The following CEP128 variants were observed in gnomAD, a reference collection of about 807,000 sequenced individuals.
CEP128 encodes the protein centrosomal protein 128kDa.
CEP128 carries 132 observed loss-of-function variants against 156.7 expected under a neutral mutation model. The observed-to-expected ratio is 0.84, with a 90% CI of 0.73 to 0.97. CEP128 has a LOEUF of 0.97. Ranked by LOEUF, CEP128 falls within the 50% of genes least tolerant of loss-of-function variation. CEP128 has a pLI of 0.00. For missense variants in CEP128, 1,252 were observed against 1,281.9 expected (o/e 0.98, Z 0.36); for synonymous variants, 469 against 448.9 (o/e 1.04, Z -0.57).
Position 80,778,143 on chromosome 14 carries a change from A to G in CEP128, c.2212-97T>C, listed in dbSNP as rs1900902770. 6.1e-6 allele frequency: 6 copies of G among 982,246 alleles called. No homozygotes were observed. In the East Asian group the frequency reaches 1.4e-4, roughly 24 times the overall value. The allele number at this position is 982,246 out of a possible 1,614,324, so 60.8% of individuals were successfully genotyped here. On this transcript the variant is annotated intron_variant, in intron 15 of 24. Transcript: ENST00000555265. ...TTTATCAGTGGAAAAACACTGCAAG[A>G]TTTCAGCTCGTTCAAAGCATTCATA... is the stretch of plus-strand genomic sequence containing the variant.
intron 19 of CEP128, among the ~76,000 whole-genome samples, chr14:80,741,536 G>C (rs1283676164): frequency 6.6e-6 from 1 of 152,040 alleles, no homozygotes; most frequent in African/African-American, 2.4e-5. Flanking sequence ...TGACAACATG[G>C]ATCTATGAAT....
chr14:80,887,516 C>A (rs796807410), intron 8 of CEP128, among the ~76,000 whole-genome samples: 10 of 152,102 alleles, frequency 6.6e-5, no homozygotes, highest in African/African-American at 2.4e-4. Flanking sequence ...AACAATCTAC[C>A]CCTGAATGAC....
chr14:80,842,164 CTTTA>C lies in CEP128; in HGVS notation c.763-1400_763-1397del, dbSNP rs573106988. 4.6e-5 allele frequency among the ~76,000 whole-genome samples: 7 copies of C among 152,104 alleles called. 1 individual carries two copies. Among genetic ancestry groups the C allele is most frequent in the Non-Finnish European group, 8.8e-5 (6 of 67,886 alleles). On this transcript the variant is annotated intron_variant, in intron 9 of 24. Coordinates refer to ENST00000555265, the MANE Select transcript of CEP128 (RefSeq NM_152446.5). ...TTATAGCTCTACTTGCTGCCTAAAA[CTTTA>C]TTTAAGTCTCCTTTTTTCAATTTCT...
At chr14:80,771,648 A>C (rs327473) in intron 16 of CEP128, among the ~76,000 whole-genome samples, 52,263 of 152,070 alleles carry the variant, frequency 0.34, 9,412 homozygotes, top group South Asian at 0.5. Context: ...ATAGCCTTAG[A>C]TGTCTCATAA....
intron 21 of CEP128, among the ~76,000 whole-genome samples, chr14:80,540,198 C>A (rs1566767176): frequency 3.0e-5 from 1 of 33,656 alleles, no homozygotes; most frequent in Non-Finnish European, 5.6e-5. Flanking sequence ...TGTTCTTACA[C>A]CCCCCCCCCT....
At chr14:80,503,650 T>C (rs982011274) in intron 24 of CEP128, among the ~76,000 whole-genome samples, 7 of 152,314 alleles carry the variant, frequency 4.6e-5, no homozygotes, top group Admixed American at 2.0e-4. Context: ...ACCTCCATGC[T>C]TGTTTATATT....
rs1896716657 is a variant in CEP128 at position 80,691,439 on chromosome 14, G to C, written c.2806+51636C>G. 3.3e-5 allele frequency among the ~76,000 whole-genome samples: 5 copies of C among 152,142 alleles called. No homozygotes were observed. In the South Asian group the frequency reaches 1.0e-3, roughly 32 times the overall value. ...GACTTTCAGGGGAGGATTAATCTCT[G>C]AAGTGAGAGAGAGACCTAGGACTAT... On this transcript the variant is annotated intron_variant, in intron 19 of 24. Transcript: ENST00000555265.
intron 14 of CEP128, among the ~76,000 whole-genome samples, chr14:80,484,496 T>C (rs1887117798): frequency 6.6e-6 from 1 of 152,198 alleles, no homozygotes; most frequent in Non-Finnish European, 1.5e-5. Flanking sequence ...AATTATTCTG[T>C]TGGTAAAAGG....
intron 14 of CEP128, among the ~76,000 whole-genome samples, chr14:80,789,694 GA>G (rs1351619516): frequency 6.6e-6 from 1 of 152,016 alleles, no homozygotes; most frequent in African/African-American, 2.4e-5. Flanking sequence ...ATTACTGAAA[GA>G]AGGCCTGAAA....
chr14:80,799,391 G>A (rs550080125), intron 13 of CEP128, among the ~76,000 whole-genome samples: 61 of 152,224 alleles, frequency 4.0e-4, no homozygotes, highest in South Asian at 2.7e-3. Flanking sequence ...TGTGTTAAGC[G>A]TACAGATTGA....
At chr14:80,678,049 A>AAAAAATATATATAT in intron 19 of CEP128, among the ~76,000 whole-genome samples, 6 of 98,502 alleles carry the variant, frequency 6.1e-5, no homozygotes, top group African/African-American at 1.6e-4. Context: ...ATAAAAAAAA[A>AAAAAATATATATAT]ATATATATAT....
At chr14:80,801,516 G>GA (rs1203114271) in intron 13 of CEP128, among the ~76,000 whole-genome samples, 114 of 149,148 alleles carry the variant, frequency 7.6e-4, no homozygotes, top group African/African-American at 2.5e-3. Flanking sequence ...ATATTTAGAA[G>GA]AAAAAAAAAC....
chr14:80,797,166 G>T (rs534251977), intron 13 of CEP128, among the ~76,000 whole-genome samples: 1 of 152,242 alleles, frequency 6.6e-6, no homozygotes, highest in Non-Finnish European at 1.5e-5. Flanking sequence ...TAACTTCAGG[G>T]TTATTTAATC....
intron 20 of CEP128, among the ~76,000 whole-genome samples, chr14:80,574,998 T>C (rs981143031): frequency 6.6e-6 from 1 of 151,898 alleles, no homozygotes; most frequent in Non-Finnish European, 1.5e-5. Context: ...ATATTTAATA[T>C]CCTTCAGGCA....
chr14:80,751,526 C>A (rs181328046), intron 18 of CEP128, among the ~76,000 whole-genome samples: 2 of 152,182 alleles, frequency 1.3e-5, no homozygotes, highest in Admixed American at 1.3e-4. Flanking sequence ...TTCTATTAAC[C>A]ACTCACAGGA....
At chr14:80,669,322 CTT>C (rs1303974603) in intron 19 of CEP128, among the ~76,000 whole-genome samples, 1 of 152,026 alleles carries the variant, frequency 6.6e-6, no homozygotes, top group Non-Finnish European at 1.5e-5. Context: ...ACAAATGGGA[CTT>C]AATTTATAAG....
chr14:80,785,621 G>T, intron 14 of CEP128, 76 bp from the exon 15 acceptor site: 1 of 1,043,556 alleles, frequency 9.6e-7, no homozygotes. Context: ...CTGCCAGTCA[G>T]CAAAACAATG....
intron 2 of CEP128, among the ~76,000 whole-genome samples, chr14:80,937,898 G>T (rs1040140153): frequency 2.2e-5 from 3 of 133,442 alleles, no homozygotes; most frequent in African/African-American, 8.3e-5. Flanking sequence ...TTAATCCTAA[G>T]AATTTTTTTT....
At chr14:80,932,855 G>T (rs1195008416) in intron 2 of CEP128, among the ~76,000 whole-genome samples, 2 of 152,036 alleles carry the variant, frequency 1.3e-5, no homozygotes, top group Non-Finnish European at 2.9e-5. Context: ...TGCCAAAAAG[G>T]TTGGGGACCC....
Sources: gnomAD v4.1 joint callset for allele counts (sites outside exome capture counted in the v4.1 genomes callset) on GRCh38, gnomAD v4.1.1 for gene constraint, MANE v1.5 for transcripts, NCBI Gene and HGNC (gene_info 2026-07-23, HGNC 2026-07-21) for gene names.